Variants in PSMA3 observed in about 807,000 individuals in gnomAD.
The protein encoded by PSMA3 is proteasome subunit alpha type-3.
PSMA3 carries 8 observed loss-of-function variants against 40.0 expected under a neutral mutation model. The observed-to-expected ratio is 0.20, with a 90% CI of 0.12 to 0.36. The LOEUF (loss-of-function observed/expected upper bound fraction) is 0.36, where lower values mean the gene tolerates loss of function less well. Among genes scored for constraint, PSMA3 ranks in the 10% least tolerant of loss-of-function variants. The pLI is 1.00. For synonymous variants in PSMA3, 110 were observed against 100.0 expected (o/e 1.10, Z -0.59); for missense variants, 219 against 310.6 (o/e 0.70, Z 2.22).
chr14:58,270,307 A>G, intron 8 of PSMA3, 111 bp from the exon 9 acceptor site: 1 of 1,438,354 alleles, frequency 7.0e-7, no homozygotes, highest in Non-Finnish European at 9.4e-7. Flanking sequence ...GTGTAATTTT[A>G]TAGATACTTT....
intron 7 of PSMA3, chr14:58,264,948 T>C (rs1319220432): frequency 6.6e-6 from 1 of 152,208 alleles, no homozygotes; most frequent in East Asian, 1.9e-4. Context: ...CTCCATACTA[T>C]TATATGGAAA....
intron 2 of PSMA3, among the ~76,000 whole-genome samples, 184 bp from the exon 3 acceptor site, chr14:58,251,935 A>G (rs1184819530): frequency 2.6e-5 from 4 of 152,184 alleles, no homozygotes; most frequent in African/African-American, 9.7e-5. Flanking sequence ...GGAGGGTCAC[A>G]TGATATTTAT....
At chr14:58,254,342 A>ATATATATATATATATATATATGTATGTG (rs1555352272) in intron 3 of PSMA3, among the ~76,000 whole-genome samples, 1 of 124,026 alleles carries the variant, frequency 8.1e-6, no homozygotes, top group African/African-American at 3.1e-5. Context: ...GCATATATAT[A>ATATATATATATATATATATATGTATGTG]TGTATGTACA....
intron 5 of PSMA3, among the ~76,000 whole-genome samples, chr14:58,258,970 CA>C (rs2140087988): frequency 6.6e-6 from 1 of 152,264 alleles, no homozygotes; most frequent in South Asian, 2.1e-4. Flanking sequence ...CAGTTACTGT[CA>C]CCTGAGCTGG....
At chr14:58,261,946 A>G (rs1357722944) in intron 6 of PSMA3, among the ~76,000 whole-genome samples, 1 of 150,222 alleles carries the variant, frequency 6.7e-6, no homozygotes, top group East Asian at 2.0e-4. Context: ...TTTATTTATA[A>G]GATGGAGTGT....
At chr14:58,258,772 C>T (rs1890205367) in intron 5 of PSMA3, among the ~76,000 whole-genome samples, 1 of 151,972 alleles carries the variant, frequency 6.6e-6, no homozygotes, top group African/African-American at 2.4e-5. Flanking sequence ...ACATGTTTGG[C>T]TTATGACTTA....
intron 2 of PSMA3, among the ~76,000 whole-genome samples, chr14:58,251,298 GTGTT>G (rs909423096): frequency 1.6e-4 from 25 of 152,346 alleles, no homozygotes; most frequent in Admixed American, 7.2e-4. Flanking sequence ...GTGTGTGTGT[GTGTT>G]TGAGACAGGG....
intron 8 of PSMA3, 90 bp downstream of exon 8, chr14:58,267,610 T>C: frequency 7.5e-7 from 1 of 1,324,726 alleles, no homozygotes. Flanking sequence ...GCTGTTTTCC[T>C]GTAAAATAAC....
At chr14:58,269,580 AT>A (rs1417284550) in intron 8 of PSMA3, 2 of 151,002 alleles carry the variant, frequency 1.3e-5, no homozygotes, top group Non-Finnish European at 2.9e-5. Flanking sequence ...CTACAGGCCT[AT>A]GGCCACCTCA....
At chr14:58,267,620 C>G (rs1226218584) in intron 8 of PSMA3, 100 bp downstream of exon 8, 4 of 1,310,404 alleles carry the variant, frequency 3.1e-6, no homozygotes, top group Non-Finnish European at 3.9e-6. Context: ...TGTAAAATAA[C>G]TTAGTGTATA....
At chr14:58,268,860 G>A (rs992190612) in intron 8 of PSMA3, 1 of 151,916 alleles carries the variant, frequency 6.6e-6, no homozygotes, top group African/African-American at 2.4e-5. Flanking sequence ...GGTTTTAGAA[G>A]ACCCTCCAAA....
At chr14:58,254,569 C>G (rs919678427) in intron 3 of PSMA3, among the ~76,000 whole-genome samples, 1 of 151,314 alleles carries the variant, frequency 6.6e-6, no homozygotes, top group Admixed American at 6.6e-5. Flanking sequence ...CTCCTGGGCT[C>G]AAGCGATCCT....
chr14:58,271,092 C>A, intron 10 of PSMA3, 94 bp downstream of exon 10: 2 of 727,608 alleles, frequency 2.7e-6, no homozygotes, highest in Non-Finnish European at 4.3e-6. Context: ...CACAGCAAGA[C>A]CCCCATCCCT....
At chr14:58,259,788 G>T (rs1369370119) in intron 5 of PSMA3, among the ~76,000 whole-genome samples, 2 of 152,148 alleles carry the variant, frequency 1.3e-5, no homozygotes, top group Non-Finnish European at 2.9e-5. Context: ...AGACTTGGTA[G>T]TTGCAAGCAC....
chr14:58,253,635 C>A (rs1461517240), intron 3 of PSMA3, among the ~76,000 whole-genome samples: 1 of 152,110 alleles, frequency 6.6e-6, no homozygotes, highest in African/African-American at 2.4e-5. Flanking sequence ...ACTCTGTCAT[C>A]CAGGAAGGAG....
intron 6 of PSMA3, 65 bp downstream of exon 6, chr14:58,261,085 C>A: frequency 1.8e-6 from 2 of 1,109,604 alleles, no homozygotes; most frequent in South Asian, 1.3e-5. Flanking sequence ...GCATTTAAGT[C>A]TCATTATAAG....
chr14:58,257,266 G>C (rs753463658), intron 3 of PSMA3, among the ~76,000 whole-genome samples: 2 of 152,152 alleles, frequency 1.3e-5, no homozygotes, highest in Non-Finnish European at 2.9e-5. Flanking sequence ...AGGAGGCTGA[G>C]GCAGGCAGAT....
At chr14:58,271,336 T>TC (rs906308501) in intron 10 of PSMA3, among the ~76,000 whole-genome samples, 2 of 144,580 alleles carry the variant, frequency 1.4e-5, no homozygotes, top group Non-Finnish European at 3.0e-5. Context: ...TCTTTTTTTT[T>TC]TTTTTTTTTT....
chr14:58,266,731 TATTTTGC>T (rs1271663034), intron 7 of PSMA3: 2 of 152,234 alleles, frequency 1.3e-5, no homozygotes, highest in Non-Finnish European at 2.9e-5. Flanking sequence ...CTTTCCCTGG[TATTTTGC>T]ATTTTTGCTT....
Sources: allele counts gnomAD v4.1 joint callset (sites outside exome capture counted in the v4.1 genomes callset), GRCh38; gene constraint gnomAD v4.1.1; transcripts MANE v1.5; gene names NCBI Gene and HGNC (gene_info 2026-07-23, HGNC 2026-07-21).